Variants in CDK6 observed in about 807,000 individuals in gnomAD.
The protein encoded by CDK6 is cyclin dependent kinase 6, also known as cyclin-dependent kinase 6.
A neutral mutation model predicts 37.1 loss-of-function variants in CDK6; 6 were observed. That is an observed-to-expected ratio of 0.16 (90% CI 0.09 to 0.32). The LOEUF is 0.32. Among genes scored for constraint, CDK6 ranks in the 10% least tolerant of loss-of-function variants. The pLI, the probability that CDK6 is intolerant of heterozygous loss-of-function variation, is 1.00. For missense variants in CDK6, 224 were observed against 418.9 expected (o/e 0.53, Z 4.06); for synonymous variants, 160 against 161.3 (o/e 0.99, Z 0.06).
chr7:92,798,693 C>T (rs1194977809), intron 2 of CDK6, among the ~76,000 whole-genome samples: 1 of 152,166 alleles, frequency 6.6e-6, no homozygotes, highest in Non-Finnish European at 1.5e-5. Context: ...CTTCCACAGG[C>T]TTGGGTCCCT....
intron 5 of CDK6, among the ~76,000 whole-genome samples, chr7:92,641,271 A>G (rs1368542117): frequency 2.0e-5 from 3 of 152,290 alleles, no homozygotes; most frequent in Middle Eastern, 6.8e-3. Context: ...ATGATTTTCT[A>G]ACTCCATCAT....
intron 2 of CDK6, among the ~76,000 whole-genome samples, chr7:92,811,047 C>G (rs1584111355): frequency 6.6e-6 from 1 of 151,912 alleles, no homozygotes. Flanking sequence ...TGAGAACCCC[C>G]CCAGCGCCAA....
intron 5 of CDK6, among the ~76,000 whole-genome samples, chr7:92,655,754 C>T (rs1796680477): frequency 6.6e-6 from 1 of 152,246 alleles, no homozygotes. Context: ...CTAATCTCCA[C>T]TAGAAATCTG....
chr7:92,662,909 T>C (rs1274598951), intron 5 of CDK6, among the ~76,000 whole-genome samples: 2 of 152,140 alleles, frequency 1.3e-5, no homozygotes, highest in African/African-American at 2.4e-5. Context: ...CTTGAGGGGA[T>C]AGAGCACCTA....
At chr7:92,625,885 A>G (rs1208067789) in intron 5 of CDK6, among the ~76,000 whole-genome samples, 2 of 152,134 alleles carry the variant, frequency 1.3e-5, no homozygotes. Context: ...GTTAACCTAT[A>G]GAACACCTTT....
intron 6 of CDK6, among the ~76,000 whole-genome samples, chr7:92,620,109 TA>T (rs1246174430): frequency 2.0e-5 from 3 of 152,200 alleles, no homozygotes; most frequent in African/African-American, 7.2e-5. Context: ...TAGAAATATT[TA>T]AAATCTTTTT....
At chr7:92,626,936 C>CA (rs1034721343) in intron 5 of CDK6, among the ~76,000 whole-genome samples, 1 of 151,570 alleles carries the variant, frequency 6.6e-6, no homozygotes, top group Non-Finnish European at 1.5e-5. Flanking sequence ...GAATAATATG[C>CA]AAAAAAGGTA....
In CDK6 at chr7:92,692,266, AAAAG is replaced by A. The variant is rs57165480; in HGVS notation, c.538-20735_538-20732del. Among the ~76,000 whole-genome samples the A allele has an allele frequency of 6.6e-4, 98 of 147,908 alleles. 1 individual carries two copies. Among genetic ancestry groups the A allele is most frequent in the African/African-American group, 2.2e-3 (91 of 40,550 alleles). Reference sequence around the variant, plus strand: ...GAACAAGAGTGAAACTCCGTCTCAAAAAAGAAAGAAAGAAAGAAAGAAAGTTCTG... The same window carrying A: ...GAACAAGAGTGAAACTCCGTCTCAAAAAAGAAAGAAAGAAAGAAAGTTCTG... On this transcript the variant is annotated intron_variant, in intron 4 of 7. Coordinates refer to ENST00000424848, the MANE Select transcript of CDK6 (RefSeq NM_001145306.2).
intron 2 of CDK6, among the ~76,000 whole-genome samples, chr7:92,802,030 T>C (rs1800592336): frequency 7.4e-6 from 1 of 134,354 alleles, no homozygotes; most frequent in African/African-American, 2.7e-5. Flanking sequence ...CTTTCCTCAC[T>C]TTCTTATTTG....
chr7:92,627,718 T>C (rs1003392080), intron 5 of CDK6, among the ~76,000 whole-genome samples: 19 of 152,076 alleles, frequency 1.2e-4, no homozygotes, highest in Non-Finnish European at 2.8e-4. Context: ...GTGGTGGTAG[T>C]GGTACAACTC....
intron 4 of CDK6, among the ~76,000 whole-genome samples, chr7:92,698,774 T>C (rs915404961): frequency 6.6e-6 from 1 of 152,214 alleles, no homozygotes; most frequent in African/African-American, 2.4e-5. Context: ...GCCCTCTAAA[T>C]GAAAGGAGCA....
chr7:92,694,789 T>C (rs1236135010), intron 4 of CDK6, among the ~76,000 whole-genome samples: 1 of 152,180 alleles, frequency 6.6e-6, no homozygotes, highest in Admixed American at 6.5e-5. Context: ...AGAGTGGCCA[T>C]TTCAGAAGAC....
chr7:92,609,872 T>TCC lies in CDK6; in HGVS notation c.*5267_*5268insGG, dbSNP rs1795523759. 1 of 230,578 alleles carries TCC rather than the reference T, an allele frequency of 4.3e-6. No homozygotes were observed. The highest frequency in any genetic ancestry group is 6.2e-5 in the East Asian group (1 of 16,100). The allele number at this position is 230,578 out of a possible 1,614,324, so 14.3% of individuals were successfully genotyped here. ...TACTTAAATGATCAAAATGGGTGTATTATCCATCCTTAAGAACAATTTATT... is the reference window on the plus strand; with the variant it reads ...TACTTAAATGATCAAAATGGGTGTATCCTATCCATCCTTAAGAACAATTTATT... On this transcript the variant is annotated 3_prime_UTR_variant, in exon 8 of 8. Coordinates refer to ENST00000424848, the MANE Select transcript of CDK6 (RefSeq NM_001145306.2).
intron 2 of CDK6, among the ~76,000 whole-genome samples, chr7:92,826,536 G>A (rs927948405): frequency 5.3e-5 from 8 of 152,102 alleles, no homozygotes; most frequent in African/African-American, 1.9e-4. Context: ...AGAGGTGGAT[G>A]GCAAGAAATC....
rs1801621855 is a variant in CDK6, at chr7:92,835,188, C to G, written c.-368+1290G>C. On this transcript the variant is annotated intron_variant, in intron 1 of 7. Coordinates refer to ENST00000424848, the MANE Select transcript of CDK6 (RefSeq NM_001145306.2). The surrounding 1 kb of genome is among the most constrained non-coding windows in gnomAD (Gnocchi z 4.2). ...AAGCCGAGGAAAGAGCCCCCAGGGACTGCCCGGGGGTCTGAGCCAGGTCGA... is the reference window on the plus strand; with the variant it reads ...AAGCCGAGGAAAGAGCCCCCAGGGAGTGCCCGGGGGTCTGAGCCAGGTCGA... 1 of 152,474 alleles carries G rather than the reference C, an allele frequency of 6.6e-6. No homozygotes were observed. Among genetic ancestry groups the G allele is most frequent in the South Asian group, 2.1e-4 (1 of 4,836 alleles). 9.4% of individuals were successfully genotyped at this position (152,474 alleles called of 1,614,324 possible). A position where few individuals can be genotyped will look rare whatever the true frequency, so the allele number is the denominator to read the frequency against.
intron 3 of CDK6, among the ~76,000 whole-genome samples, chr7:92,734,834 T>C (rs1798745426): frequency 6.6e-6 from 1 of 152,210 alleles, no homozygotes; most frequent in Non-Finnish European, 1.5e-5. Flanking sequence ...CTCATTATTT[T>C]AGAAATATAA....
chr7:92,661,290 C>T (rs1228149072), intron 5 of CDK6, among the ~76,000 whole-genome samples: 1 of 152,074 alleles, frequency 6.6e-6, no homozygotes, highest in Non-Finnish European at 1.5e-5. Context: ...GACAACAGTG[C>T]CCCTTATAAA....
chr7:92,608,362 CAAAG>C lies in CDK6; in HGVS notation c.*6774_*6777del. On this transcript the variant is annotated 3_prime_UTR_variant, in exon 8 of 8. Coordinates refer to ENST00000424848, the MANE Select transcript of CDK6 (RefSeq NM_001145306.2). The stretch of plus-strand genomic sequence containing the variant: ...TGTTTACATACCTTTAATTACCTAA[CAAAG>C]AAAAAGAGAGAAAAGAAACTGGAAG... The C allele has an allele frequency of 8.6e-6, 2 of 231,410 alleles. No homozygotes were observed. The highest frequency in any genetic ancestry group is 1.7e-5 in the Non-Finnish European group (2 of 117,086). 14.3% of individuals were successfully genotyped at this position (231,410 alleles called of 1,614,324 possible).
At chr7:92,752,688 A>G (rs1169427417) in intron 3 of CDK6, among the ~76,000 whole-genome samples, 1 of 152,228 alleles carries the variant, frequency 6.6e-6, no homozygotes, top group Non-Finnish European at 1.5e-5. Context: ...AATTACATAC[A>G]GACATATGAC....
Sources: allele counts gnomAD v4.1 joint callset (sites outside exome capture counted in the v4.1 genomes callset), GRCh38; gene constraint gnomAD v4.1.1; non-coding constraint Gnocchi (gnomAD v3.1); transcripts MANE v1.5; gene names NCBI Gene and HGNC (gene_info 2026-07-23, HGNC 2026-07-21).